The following SIPA1L1 variants were observed in gnomAD, a reference collection of about 807,000 sequenced individuals.
SIPA1L1 encodes signal-induced proliferation-associated 1-like protein 1.
In SIPA1L1, 26 loss-of-function variants were observed where a neutral mutation model predicts 162.7. The ratio of observed to expected loss-of-function variants is 0.16; its 90% CI spans 0.12 to 0.22. SIPA1L1 has a LOEUF of 0.22. Among genes scored for constraint, SIPA1L1 ranks in the 10% least tolerant of loss-of-function variants. SIPA1L1 has a pLI of 1.00. For synonymous variants in SIPA1L1, 829 were observed against 837.4 expected, an observed-to-expected ratio of 0.99 and a Z score of 0.17; for missense variants, 1,874 against 2,241.0, an observed-to-expected ratio of 0.84 and a Z score of 3.31.
In SIPA1L1 at chr14:71,588,850, A is replaced by G. The variant is rs780052396; in HGVS notation, c.978A>G (p.Thr326=). Residue 326 remains threonine (T), a synonymous_variant, in exon 5 of 24, where the codon ACA becomes ACG. Coordinates refer to ENST00000381232, the MANE Select transcript of SIPA1L1 (RefSeq NM_001386936.1). This position sits in a 1 kb window ranked among gnomAD's most constrained non-coding sequence, Gnocchi z 4.3. The stretch of plus-strand genomic sequence containing the variant: ...CAGAAGACTCTGTCAGGCCCTGGAC[A>G]TGTCCAAAGTGCTTTGCCCACTATG... ...NRSEDSVRPW[T]CPKCFAHYDV... is the part of the protein sequence containing the mutation. 23 of 1,614,022 alleles carry G rather than the reference A, an allele frequency of 1.4e-5. No individual in the cohort carries two copies. The Admixed American group carries it at 3.0e-4, about 21-fold the overall frequency.
intron 2 of SIPA1L1, among the ~76,000 whole-genome samples, chr14:71,417,360 A>G (rs937527340): frequency 1.3e-5 from 2 of 149,378 alleles, no homozygotes; most frequent in Non-Finnish European, 3.0e-5. Flanking sequence ...AGTCCCAGCT[A>G]CTCGGGAGGC....
chr14:71,536,240 C>T (rs575127931), intron 4 of SIPA1L1, among the ~76,000 whole-genome samples: 2 of 152,230 alleles, frequency 1.3e-5, no homozygotes, highest in East Asian at 1.9e-4. Context: ...TGATGGCTTC[C>T]GAGTGCTTGT....
intron 11 of SIPA1L1, among the ~76,000 whole-genome samples, chr14:71,671,922 TG>T: frequency 6.6e-6 from 1 of 151,738 alleles, no homozygotes; most frequent in Non-Finnish European, 1.5e-5. Flanking sequence ...TGTGTGTGTG[TG>T]TGTGTGTGTG....
chr14:71,476,493 A>T (rs898816117), intron 2 of SIPA1L1, among the ~76,000 whole-genome samples: 3 of 152,100 alleles, frequency 2.0e-5, no homozygotes, highest in African/African-American at 7.2e-5. Context: ...TTAATACTAC[A>T]TTGTTCCATT....
intron 4 of SIPA1L1, among the ~76,000 whole-genome samples, chr14:71,585,061 G>A (rs2034412163): frequency 7.0e-6 from 1 of 142,942 alleles, no homozygotes; most frequent in South Asian, 2.4e-4. Flanking sequence ...TGCAAAGCAT[G>A]TATATTTCCA....
chr14:71,408,697 C>T (rs895913049), intron 2 of SIPA1L1, among the ~76,000 whole-genome samples: 2 of 152,132 alleles, frequency 1.3e-5, no homozygotes, highest in African/African-American at 4.8e-5. Context: ...ACTCAAAACT[C>T]TCTGGGAAAT....
intron 2 of SIPA1L1, among the ~76,000 whole-genome samples, chr14:71,410,386 G>T (rs925860617): frequency 2.0e-5 from 3 of 152,148 alleles, no homozygotes; most frequent in African/African-American, 7.2e-5. Context: ...TAGAGTGGTG[G>T]ATGTGATGCT....
At chr14:71,512,998 A>C (rs1241840383) in intron 3 of SIPA1L1, among the ~76,000 whole-genome samples, 153 bp downstream of exon 3, 1 of 151,928 alleles carries the variant, frequency 6.6e-6, no homozygotes, top group Non-Finnish European at 1.5e-5. Context: ...AAGTTGTCCC[A>C]CCTTTCCAGA....
chr14:71,676,502 T>G (rs1403084597), intron 12 of SIPA1L1, among the ~76,000 whole-genome samples: 3 of 151,070 alleles, frequency 2.0e-5, no homozygotes, highest in African/African-American at 7.3e-5. Flanking sequence ...ATACTTTAAG[T>G]TCTAGGATAC....
At chr14:71,729,922 C>T in intron 19 of SIPA1L1, 133 bp from the exon 20 acceptor site, 3 of 967,868 alleles carry the variant, frequency 3.1e-6, no homozygotes, top group Non-Finnish European at 4.7e-6. Flanking sequence ...TAGAAATAGA[C>T]AATGAGCCCT....
intron 4 of SIPA1L1, among the ~76,000 whole-genome samples, chr14:71,531,150 AT>A (rs1332063065): frequency 6.6e-6 from 1 of 152,172 alleles, no homozygotes; most frequent in Non-Finnish European, 1.5e-5. Flanking sequence ...CAGGATACTT[AT>A]AGATCAATTG....
intron 2 of SIPA1L1, among the ~76,000 whole-genome samples, chr14:71,415,627 C>T (rs1372342607): frequency 6.6e-6 from 1 of 151,306 alleles, no homozygotes; most frequent in Non-Finnish European, 1.5e-5. Context: ...TCTAGATATA[C>T]TTTTTTTTTC....
At chr14:71,379,779 A>G (rs2039735187) in intron 2 of SIPA1L1, among the ~76,000 whole-genome samples, 2 of 152,260 alleles carry the variant, frequency 1.3e-5, no homozygotes, top group Non-Finnish European at 2.9e-5. Context: ...TTTCATTTAC[A>G]TTAGAAAGTA....
intron 2 of SIPA1L1, among the ~76,000 whole-genome samples, chr14:71,466,428 A>G (rs931302040): frequency 6.6e-6 from 1 of 152,172 alleles, no homozygotes; most frequent in African/African-American, 2.4e-5. Context: ...TCTAAACAGC[A>G]ATGAAAACTG....
chr14:71,416,880 A>ACTTTTTTCTTTTC (rs2042810367), intron 2 of SIPA1L1, among the ~76,000 whole-genome samples: 1 of 152,178 alleles, frequency 6.6e-6, no homozygotes, highest in African/African-American at 2.4e-5. Flanking sequence ...GAATAAGCAT[A>ACTTTTTTCTTTTC]CTTTTTTCTT....
At chr14:71,584,011 A>C (rs2034277210) in intron 4 of SIPA1L1, among the ~76,000 whole-genome samples, 1 of 152,162 alleles carries the variant, frequency 6.6e-6, no homozygotes, top group Non-Finnish European at 1.5e-5. Flanking sequence ...CAGTGGACCC[A>C]TGCTTCTGTC....
At chr14:71,470,348 G>A in intron 2 of SIPA1L1, among the ~76,000 whole-genome samples, 1 of 152,168 alleles carries the variant, frequency 6.6e-6, no homozygotes, top group Non-Finnish European at 1.5e-5. Flanking sequence ...TTTAGAATCT[G>A]GACAACCTCA....
chr14:71,392,648 C>T (rs1417396330), intron 2 of SIPA1L1, among the ~76,000 whole-genome samples: 1 of 152,178 alleles, frequency 6.6e-6, no homozygotes, highest in African/African-American at 2.4e-5. Context: ...CTGCCTCAGC[C>T]TCCCGAGTAG....
chr14:71,502,346 C>G (rs2050327699), intron 2 of SIPA1L1, among the ~76,000 whole-genome samples: 1 of 149,574 alleles, frequency 6.7e-6, no homozygotes, highest in Admixed American at 6.7e-5. Flanking sequence ...TTAAGTGATT[C>G]TCATGCCTCA....
Sources: gnomAD v4.1 joint callset for allele counts (sites outside exome capture counted in the v4.1 genomes callset) on GRCh38, gnomAD v4.1.1 for gene constraint, Gnocchi (gnomAD v3.1) non-coding constraint, MANE v1.5 for transcripts, NCBI Gene and HGNC (gene_info 2026-07-23, HGNC 2026-07-21) for gene names.